MAN2A1: variants seen among roughly 807,000 people sequenced by gnomAD.
The protein encoded by MAN2A1 is mannosidase alpha class 2A member 1, also known as alpha-mannosidase 2.
MAN2A1 carries 76 observed loss-of-function variants against 142.6 expected under a neutral mutation model. That is an observed-to-expected ratio of 0.53 (90% CI 0.44 to 0.65). MAN2A1 has a LOEUF of 0.65. Among genes scored for constraint, MAN2A1 ranks in the 30% least tolerant of loss-of-function variants. The pLI, the probability that MAN2A1 is intolerant of heterozygous loss-of-function variation, is 0.00. For synonymous variants in MAN2A1, 559 were observed against 473.2 expected, an observed-to-expected ratio of 1.18 and a Z score of -2.35; for missense variants, 1,311 against 1,365.1, an observed-to-expected ratio of 0.96 and a Z score of 0.62.
chr5:109,836,885 A>C (rs1040381722), intron 16 of MAN2A1, among the ~76,000 whole-genome samples: 2 of 152,018 alleles, frequency 1.3e-5, no homozygotes, highest in African/African-American at 4.8e-5. Context: ...AACTGTAGAA[A>C]AGTATAGTAT....
At chr5:109,763,172 C>G (rs1168940973) in intron 5 of MAN2A1, among the ~76,000 whole-genome samples, 2 of 152,124 alleles carry the variant, frequency 1.3e-5, no homozygotes, top group Admixed American at 1.3e-4. Context: ...TTATGTGGCA[C>G]CTAGCACAAG....
intron 15 of MAN2A1, among the ~76,000 whole-genome samples, chr5:109,820,956 G>A (rs558388535): frequency 4.6e-5 from 7 of 152,252 alleles, no homozygotes; most frequent in Admixed American, 2.6e-4. Flanking sequence ...ACCTCTAGCC[G>A]TATGGGAAAA....
chr5:109,807,963 T>C (rs1322102338), intron 12 of MAN2A1, among the ~76,000 whole-genome samples: 1 of 152,192 alleles, frequency 6.6e-6, no homozygotes, highest in East Asian at 1.9e-4. Context: ...GAAATAGGTA[T>C]TAAAAAGGAA....
intron 12 of MAN2A1, among the ~76,000 whole-genome samples, chr5:109,800,063 G>A (rs1268535312): frequency 1.4e-5 from 2 of 146,178 alleles, no homozygotes; most frequent in African/African-American, 5.2e-5. Context: ...ACTCCAGCCA[G>A]GGCAACAGAG....
intron 5 of MAN2A1, among the ~76,000 whole-genome samples, chr5:109,762,382 T>C (rs1752875547): frequency 6.6e-6 from 1 of 152,206 alleles, no homozygotes; most frequent in East Asian, 1.9e-4. Context: ...TGTCTGTTTT[T>C]TGTTTCTTTT....
At chr5:109,804,044 A>G in intron 12 of MAN2A1, 1 of 348,726 alleles carries the variant, frequency 2.9e-6, no homozygotes, top group Non-Finnish European at 4.0e-6. Flanking sequence ...AAATAGTAAC[A>G]TAAAGCTAAT....
At position 109,861,684 on chromosome 5, in the gene MAN2A1, A is replaced by C. The variant is rs370828899; in HGVS notation, c.3172-3352A>C. On this transcript the variant is annotated intron_variant, in intron 20 of 21. Coordinates refer to ENST00000261483, the MANE Select transcript of MAN2A1 (RefSeq NM_002372.4). ...AGATAACTGTCAAGGGCACACAGCC[A>C]GTAATGTGGTCCTGGGAGCACGCTC... 9.2e-5 allele frequency among the ~76,000 whole-genome samples: 14 copies of C among 152,344 alleles called. 1 individual carries two copies. The highest frequency in any genetic ancestry group is 2.6e-4 in the Admixed American group (4 of 15,302).
intron 3 of MAN2A1, among the ~76,000 whole-genome samples, chr5:109,720,687 C>T (rs1582822251): frequency 2.0e-5 from 3 of 152,036 alleles, no homozygotes; most frequent in East Asian, 1.9e-4. Context: ...AAAATAAAAT[C>T]GCAAAAAAAT....
At chr5:109,865,770 A>G (rs147970205) in intron 21 of MAN2A1, among the ~76,000 whole-genome samples, 3 of 152,310 alleles carry the variant, frequency 2.0e-5, no homozygotes, top group African/African-American at 7.2e-5. Context: ...CTGGCTGCCT[A>G]TTGTTTATTT....
intron 5 of MAN2A1, among the ~76,000 whole-genome samples, chr5:109,756,939 C>T (rs777546271): frequency 9.2e-5 from 14 of 152,190 alleles, no homozygotes; most frequent in Non-Finnish European, 1.9e-4. Context: ...CAACATTGGA[C>T]ACTGAGTCTG....
At chr5:109,761,195 T>C (rs967865069) in intron 5 of MAN2A1, among the ~76,000 whole-genome samples, 13 of 151,350 alleles carry the variant, frequency 8.6e-5, no homozygotes, top group African/African-American at 2.9e-4. Context: ...ATGAAAATTA[T>C]CTTTTTAAAT....
At chr5:109,843,566 G>T (rs1321818685) in intron 17 of MAN2A1, among the ~76,000 whole-genome samples, 2 of 152,026 alleles carry the variant, frequency 1.3e-5, no homozygotes, top group Non-Finnish European at 2.9e-5. Flanking sequence ...TAAATTTCAG[G>T]AAAACTCTTC....
chr5:109,695,324 G>T (rs1750782606), intron 1 of MAN2A1, among the ~76,000 whole-genome samples: 1 of 152,192 alleles, frequency 6.6e-6, no homozygotes, highest in African/African-American at 2.4e-5. Context: ...TGTATTATTG[G>T]AAGGGGATTT....
intron 16 of MAN2A1, among the ~76,000 whole-genome samples, chr5:109,837,580 G>A (rs1350509786): frequency 6.6e-6 from 1 of 152,250 alleles, no homozygotes; most frequent in African/African-American, 2.4e-5. Flanking sequence ...GGGTCAGGAA[G>A]AAAGGAGTCA....
Position 109,847,760 on chromosome 5 carries a change from A to G in MAN2A1, c.2946A>G (p.Ile982Met), listed in dbSNP as rs1235138947. Residue 982 changes from isoleucine to methionine, a missense_variant, in exon 19 of 22, where the codon ATA becomes ATG. Physicochemically the swap from Ile to Met is conservative, Grantham distance 10. Transcript: ENST00000261483. The part of the protein sequence containing the change: ...DNKITANLFR[I>M]LLEKRSAVNT... ...AGATTACAGCTAATCTATTTCGAAT[A>G]CTACTAGAAAAAAGAAGTGCTGTTA... 7 of 1,590,492 alleles carry G rather than the reference A, an allele frequency of 4.4e-6. No individual in the cohort carries two copies. The highest frequency in any genetic ancestry group is 6.0e-6 in the Non-Finnish European group (7 of 1,169,254).
chr5:109,847,582 C>CT (rs1356539145), intron 18 of MAN2A1, 75 bp from the exon 19 acceptor site: 1 of 1,308,938 alleles, frequency 7.6e-7, no homozygotes, highest in East Asian at 3.0e-5. Flanking sequence ...ATGACTGCTA[C>CT]TTAAGTGATG....
chr5:109,765,984 T>C (rs1752978640), intron 5 of MAN2A1, among the ~76,000 whole-genome samples: 1 of 152,094 alleles, frequency 6.6e-6, no homozygotes, highest in South Asian at 2.1e-4. Context: ...ATGATTGGTA[T>C]GTAGAGGCCA....
intron 5 of MAN2A1, among the ~76,000 whole-genome samples, chr5:109,765,658 C>T (rs1275269201): frequency 2.0e-5 from 3 of 152,106 alleles, no homozygotes; most frequent in Non-Finnish European, 4.4e-5. Flanking sequence ...CTAATTCCTT[C>T]TATAATTGCT....
At chr5:109,746,385 A>T (rs1268869221) in intron 4 of MAN2A1, among the ~76,000 whole-genome samples, 1 of 152,204 alleles carries the variant, frequency 6.6e-6, no homozygotes, top group Non-Finnish European at 1.5e-5. Flanking sequence ...TATACAAAGG[A>T]TACACAATGA....
Sources: gnomAD v4.1 joint callset for allele counts (sites outside exome capture counted in the v4.1 genomes callset) on GRCh38, gnomAD v4.1.1 for gene constraint, MANE v1.5 for transcripts, NCBI Gene and HGNC (gene_info 2026-07-23, HGNC 2026-07-21) for gene names.